The following CTDP1 variants were observed in gnomAD, a reference collection of about 807,000 sequenced individuals.
The protein encoded by CTDP1 is CTD phosphatase 1.
A neutral mutation model predicts 91.8 loss-of-function variants in CTDP1; 47 were observed. The observed-to-expected ratio is 0.51, with a 90% CI of 0.41 to 0.65. CTDP1 has a LOEUF of 0.65. CTDP1 is among the 30% of genes least tolerant of loss of function. CTDP1 has a pLI of 0.00. For missense variants in CTDP1, 1,272 were observed against 1,373.7 expected, an observed-to-expected ratio of 0.93 and a Z score of 1.17; for synonymous variants, 656 against 598.5, an observed-to-expected ratio of 1.10 and a Z score of -1.40.
intron 5 of CTDP1, among the ~76,000 whole-genome samples, chr18:79,705,674 G>A (rs768216004): frequency 3.3e-5 from 5 of 152,256 alleles, no homozygotes; most frequent in Non-Finnish European, 7.3e-5. Flanking sequence ...TGTAGGCGCC[G>A]AGTGGCAGTG....
rs1379116232 is a variant in CTDP1 at position 79,680,174 on chromosome 18, C to G, written c.227C>G (p.Pro76Arg). ...SRVASGGCVR[P>R]ARPERRLRSE... Reference sequence around the variant, plus strand: ...GTAGCCTCCGGGGGCTGCGTGCGCCCCGCGCGGCCGGAACGCAGGCTGAGG... The same window carrying G: ...GTAGCCTCCGGGGGCTGCGTGCGCCGCGCGCGGCCGGAACGCAGGCTGAGG... Residue 76 changes from proline to arginine, a missense_variant, in exon 1 of 13, where the codon CCC (proline) becomes CGC (arginine). Pro to Arg is a moderately radical substitution (Grantham distance 103). Around this residue, in one of 3 missense-constraint regions of CTDP1, gnomAD observed 214 missense variants for 179.1 expected, o/e 1.19. Coordinates refer to ENST00000613122, the MANE Select transcript of CTDP1 (RefSeq NM_004715.5). 5 of 1,384,454 alleles carry G rather than the reference C, an allele frequency of 3.6e-6. No homozygotes were observed. Among genetic ancestry groups the G allele is most frequent in the Non-Finnish European group, 4.6e-6 (5 of 1,075,458 alleles). The allele number at this position is 1,384,454 out of a possible 1,614,324, so 85.8% of individuals were successfully genotyped here.
At chr18:79,721,072 C>A (rs1377527066) in intron 10 of CTDP1, among the ~76,000 whole-genome samples, 1 of 152,194 alleles carries the variant, frequency 6.6e-6, no homozygotes, top group African/African-American at 2.4e-5. Context: ...GCTCTCCGTC[C>A]TTTCATCTGT....
intron 10 of CTDP1, among the ~76,000 whole-genome samples, chr18:79,720,594 C>T (rs1411474285): frequency 6.6e-6 from 1 of 151,988 alleles, no homozygotes; most frequent in Non-Finnish European, 1.5e-5. Flanking sequence ...CACTTCCCAT[C>T]GTGTTCTGGT....
At chr18:79,693,945 A>T (rs554560772) in intron 1 of CTDP1, among the ~76,000 whole-genome samples, 137 of 151,982 alleles carry the variant, frequency 9.0e-4, no homozygotes, top group African/African-American at 3.2e-3. Flanking sequence ...CTCCCAGCAC[A>T]GCCTGCCATG....
intron 12 of CTDP1, among the ~76,000 whole-genome samples, chr18:79,742,019 T>C (rs2086787411): frequency 6.6e-6 from 1 of 151,806 alleles, no homozygotes; most frequent in African/African-American, 2.4e-5. Flanking sequence ...CACATCCCAG[T>C]GGAAGAGGAA....
rs996705220 is a variant in CTDP1 at position 79,743,424 on chromosome 18, G to T, written c.2747+6903G>T. 3.3e-5 allele frequency among the ~76,000 whole-genome samples: 5 copies of T among 151,626 alleles called. No individual in the cohort carries two copies. The South Asian group carries it at 8.3e-4, about 25-fold the overall frequency. ...GCCTGTAGTCCCAGCTACTCAGGAG[G>T]CTGAGGCAGGAGAATTGCTTGAACC... is the stretch of plus-strand genomic sequence containing the variant. On this transcript the variant is annotated intron_variant, in intron 12 of 12. Transcript: ENST00000613122.
intron 12 of CTDP1, among the ~76,000 whole-genome samples, chr18:79,748,888 GT>G (rs2086936312): frequency 6.6e-6 from 1 of 151,708 alleles, no homozygotes; most frequent in Non-Finnish European, 1.5e-5. Context: ...TGCCGTGTCT[GT>G]GTGTTTGCCG....
intron 12 of CTDP1, among the ~76,000 whole-genome samples, chr18:79,744,777 A>T (rs1296655317): frequency 2.6e-5 from 4 of 152,112 alleles, no homozygotes; most frequent in Non-Finnish European, 4.4e-5. Flanking sequence ...GAGACCTTGG[A>T]GGTTCCCCCG....
intron 1 of CTDP1, chr18:79,685,426 T>G (rs1387728639): frequency 6.6e-6 from 1 of 151,932 alleles, no homozygotes; most frequent in Non-Finnish European, 1.5e-5. Context: ...CAGTGACTGG[T>G]GAGAACTAAC....
intron 11 of CTDP1, among the ~76,000 whole-genome samples, chr18:79,729,637 C>T (rs1273872432): frequency 6.6e-6 from 1 of 152,214 alleles, no homozygotes; most frequent in Non-Finnish European, 1.5e-5. Context: ...CTGCTTGGCC[C>T]CTGTGTCCTG....
At chr18:79,753,398 A>G (rs1333029856) in intron 12 of CTDP1, among the ~76,000 whole-genome samples, 1 of 152,230 alleles carries the variant, frequency 6.6e-6, no homozygotes, top group Non-Finnish European at 1.5e-5. Flanking sequence ...GTGCATTTGC[A>G]GCAGGTGAAC....
At chr18:79,693,090 G>T (rs899973088) in intron 1 of CTDP1, among the ~76,000 whole-genome samples, 1 of 152,232 alleles carries the variant, frequency 6.6e-6, no homozygotes, top group Non-Finnish European at 1.5e-5. Context: ...GGCCCCGAGT[G>T]CGATGGCGGT....
At chr18:79,677,156 A>C (rs182642479), upstream of CTDP1, 1 of 152,398 alleles carries the variant, frequency 6.6e-6, no homozygotes, top group Non-Finnish European at 1.5e-5. Flanking sequence ...ACATATCAAC[A>C]ACCTTTGAGA....
Position 79,680,203 on chromosome 18 carries a change from G to T in CTDP1, c.256G>T (p.Glu86Ter). 1 of 1,376,190 alleles carries T rather than the reference G, an allele frequency of 7.3e-7. No homozygotes were observed. The highest frequency in any genetic ancestry group is 9.3e-7 in the Non-Finnish European group (1 of 1,071,386). 85.2% of individuals were successfully genotyped at this position (1,376,190 alleles called of 1,614,324 possible). ...GCGGCCGGAACGCAGGCTGAGGTCG[G>T]AGCGCGCGGGCGTGGTGCGGGAGCT... is the stretch of plus-strand genomic sequence containing the variant. ...PARPERRLRS[E>*]RAGVVRELCA... The change falls in exon 1 of 13, where the codon GAG becomes TAG. Residue 86 changes from glutamate (E) to a stop codon, truncating the protein, a stop_gained. Coordinates refer to ENST00000613122, the MANE Select transcript of CTDP1 (RefSeq NM_004715.5). LOFTEE classifies it high-confidence loss of function.
Position 79,729,086 on chromosome 18 carries a change from C to T in CTDP1, c.2580+17C>T, listed in dbSNP as rs377343845. ...GACAAAGAGGTGAGCCAACCCCACG[C>T]CCCGGTGCCCGCGCCAGCGCTCGTG... On this transcript the variant is annotated intron_variant, in intron 11 of 12. Transcript: ENST00000613122. The T allele has an allele frequency of 5.7e-5, 92 of 1,612,066 alleles. No homozygotes were observed. The highest frequency in any genetic ancestry group is 7.3e-5 in the Non-Finnish European group (86 of 1,180,006).
intron 12 of CTDP1, among the ~76,000 whole-genome samples, chr18:79,737,676 C>T (rs968450457): frequency 7.2e-5 from 11 of 152,122 alleles, no homozygotes; most frequent in African/African-American, 2.7e-4. Context: ...CACCTCACTG[C>T]CCGGTTCTGG....
chr18:79,704,444 G>A lies in CTDP1; in HGVS notation c.622-323G>A, dbSNP rs1014266701. Among the ~76,000 whole-genome samples, 12 of 151,890 alleles carry A rather than the reference G, an allele frequency of 7.9e-5. No individual in the cohort carries two copies. The South Asian group carries it at 8.3e-4, about 10-fold the overall frequency. ...TGTCCTCTGTCCCGTGTGGAGGGGC[G>A]TGTACACGCACACGTGTCCTCTGTC... On this transcript the variant is annotated intron_variant, in intron 4 of 12. Transcript: ENST00000613122.
chr18:79,690,878 C>T (rs1266329354), intron 1 of CTDP1, among the ~76,000 whole-genome samples: 3 of 152,222 alleles, frequency 2.0e-5, no homozygotes, highest in Admixed American at 6.5e-5. Flanking sequence ...CAGAAAATTA[C>T]GTGACTCCGA....
intron 11 of CTDP1, among the ~76,000 whole-genome samples, chr18:79,731,438 G>A (rs1248392418): frequency 1.3e-5 from 2 of 152,208 alleles, no homozygotes; most frequent in African/African-American, 2.4e-5. Context: ...CGCCCCTCAT[G>A]TGAGGAGCAG....
Sources: gnomAD v4.1 joint callset for allele counts (sites outside exome capture counted in the v4.1 genomes callset) on GRCh38, gnomAD v4.1.1 for gene constraint, gnomAD v4.1.1 regional missense constraint, MANE v1.5 for transcripts, NCBI Gene and HGNC (gene_info 2026-07-23, HGNC 2026-07-21) for gene names.